NPAS3: variants seen among roughly 807,000 people sequenced by gnomAD.
The protein encoded by NPAS3 is neuronal PAS domain protein 3, also known as neuronal PAS domain-containing protein 3.
NPAS3 carries 14 observed loss-of-function variants against 73.1 expected under a neutral mutation model. The ratio of observed to expected loss-of-function variants is 0.19; its 90% CI spans 0.13 to 0.30. The LOEUF (loss-of-function observed/expected upper bound fraction) is 0.30, where lower values mean the gene tolerates loss of function less well. Among genes scored for constraint, NPAS3 ranks in the 10% least tolerant of loss-of-function variants. NPAS3 has a pLI of 1.00. For missense variants in NPAS3, 1,096 were observed against 1,250.0 expected (o/e 0.88, Z 1.86); for synonymous variants, 620 against 541.5 (o/e 1.14, Z -2.01).
chr14:33,157,475 C>A (rs552560869), intron 2 of NPAS3, among the ~76,000 whole-genome samples: 7 of 152,050 alleles, frequency 4.6e-5, no homozygotes, highest in African/African-American at 1.7e-4. Flanking sequence ...ACAGGCAGGG[C>A]CAGCCAATAT....
chr14:33,037,482 A>C (rs1479146853), intron 1 of NPAS3, among the ~76,000 whole-genome samples: 1 of 113,900 alleles, frequency 8.8e-6, no homozygotes, highest in Non-Finnish European at 1.7e-5. Flanking sequence ...CCATCTCAGC[A>C]AAAAAAAAAA....
chr14:33,456,707 T>C (rs2050038694), intron 4 of NPAS3, among the ~76,000 whole-genome samples: 1 of 152,110 alleles, frequency 6.6e-6, no homozygotes, highest in African/African-American at 2.4e-5. Context: ...AATTAGAAAT[T>C]ATAGCGGTGC....
intron 7 of NPAS3, among the ~76,000 whole-genome samples, chr14:33,767,597 G>A (rs1049835560): frequency 2.3e-4 from 18 of 77,384 alleles, no homozygotes; most frequent in African/African-American, 1.0e-3. Flanking sequence ...AGGGACTCTT[G>A]TCTTTTTTTT....
At chr14:33,544,825 A>ATATATATATATATATAAT in intron 4 of NPAS3, among the ~76,000 whole-genome samples, 5 of 112,188 alleles carry the variant, frequency 4.5e-5, no homozygotes, top group Admixed American at 1.8e-4. Context: ...TATATAATAT[A>ATATATATATATATATAAT]TATGTGTATA....
At chr14:33,217,135 C>A (rs1370706792) in intron 3 of NPAS3, among the ~76,000 whole-genome samples, 1 of 152,010 alleles carries the variant, frequency 6.6e-6, no homozygotes, top group Non-Finnish European at 1.5e-5. Flanking sequence ...AAAGAGACAG[C>A]AAAAGGGGAA....
intron 4 of NPAS3, among the ~76,000 whole-genome samples, chr14:33,403,437 T>C (rs1053266980): frequency 2.6e-5 from 4 of 152,116 alleles, no homozygotes; most frequent in African/African-American, 9.7e-5. Context: ...ATAAAATGTT[T>C]AGTGAGTGTA....
intron 3 of NPAS3, among the ~76,000 whole-genome samples, chr14:33,259,315 T>C (rs192094732): frequency 6.6e-6 from 1 of 152,158 alleles, no homozygotes; most frequent in Non-Finnish European, 1.5e-5. Flanking sequence ...TGTAGAAGAC[T>C]ACAACAAAAA....
chr14:33,552,616 T>G (rs750813611), intron 4 of NPAS3, among the ~76,000 whole-genome samples: 1 of 151,502 alleles, frequency 6.6e-6, no homozygotes, highest in Non-Finnish European at 1.5e-5. Context: ...TTTCCAGTAG[T>G]CTATATTCGA....
At chr14:33,207,778 G>C (rs552017003) in intron 2 of NPAS3, among the ~76,000 whole-genome samples, 1 of 152,278 alleles carries the variant, frequency 6.6e-6, no homozygotes, top group African/African-American at 2.4e-5. Context: ...GCAGCTCAGA[G>C]CAGAGCCACA....
intron 4 of NPAS3, among the ~76,000 whole-genome samples, chr14:33,419,887 G>A (rs1329503005): frequency 6.6e-6 from 1 of 151,942 alleles, no homozygotes; most frequent in East Asian, 1.9e-4. Flanking sequence ...TACCCAAGTG[G>A]AGCCCGTTCA....
intron 4 of NPAS3, among the ~76,000 whole-genome samples, chr14:33,548,788 T>G (rs1405792712): frequency 6.6e-6 from 1 of 152,172 alleles, no homozygotes; most frequent in Non-Finnish European, 1.5e-5. Flanking sequence ...AATGACAAGG[T>G]CTGCCCTTTG....
chr14:33,234,389 T>A (rs1410628623), intron 3 of NPAS3, among the ~76,000 whole-genome samples: 1 of 152,168 alleles, frequency 6.6e-6, no homozygotes, highest in Non-Finnish European at 1.5e-5. Context: ...AAAATTATTG[T>A]ACTAAGATTT....
intron 3 of NPAS3, among the ~76,000 whole-genome samples, chr14:33,260,352 CTT>C (rs200342123): frequency 6.9e-6 from 1 of 145,838 alleles, no homozygotes; most frequent in African/African-American, 2.5e-5. Flanking sequence ...TTTTCCTTTC[CTT>C]TTTTTTTTTA....
At chr14:33,689,450 G>C (rs1211897980) in intron 6 of NPAS3, among the ~76,000 whole-genome samples, 1 of 152,128 alleles carries the variant, frequency 6.6e-6, no homozygotes, top group East Asian at 1.9e-4. Context: ...TAATGGAAAG[G>C]GTGGCCAGGG....
chr14:32,973,532 GA>G (rs1709685704), intron 1 of NPAS3, among the ~76,000 whole-genome samples: 2 of 118,402 alleles, frequency 1.7e-5, no homozygotes, highest in Admixed American at 8.0e-5. Context: ...AGTATATTTT[GA>G]TTTTTTTTTT....
intron 2 of NPAS3, among the ~76,000 whole-genome samples, chr14:33,184,221 C>T (rs2045904466): frequency 1.3e-5 from 2 of 152,090 alleles, no homozygotes; most frequent in Admixed American, 1.3e-4. Context: ...ATGCAGACTC[C>T]AGAGAAAGCG....
At chr14:33,420,966 A>G (rs925557230) in intron 4 of NPAS3, among the ~76,000 whole-genome samples, 8 of 151,964 alleles carry the variant, frequency 5.3e-5, no homozygotes, top group Admixed American at 5.3e-4. Context: ...CAAGCCAGGC[A>G]AGAGGAGCTC....
At chr14:33,684,205 C>G (rs764647595) in intron 6 of NPAS3, among the ~76,000 whole-genome samples, 1 of 143,286 alleles carries the variant, frequency 7.0e-6, no homozygotes, top group African/African-American at 2.6e-5. Flanking sequence ...TCCTCTTATG[C>G]ACGTATTTCA....
chr14:33,693,267 A>G (rs1261261858), intron 6 of NPAS3, among the ~76,000 whole-genome samples: 2 of 152,176 alleles, frequency 1.3e-5, no homozygotes, highest in Non-Finnish European at 2.9e-5. Flanking sequence ...GAATTTTTAC[A>G]TGGAAATAAT....
Sources: gnomAD v4.1 joint callset for allele counts (sites outside exome capture counted in the v4.1 genomes callset) on GRCh38, gnomAD v4.1.1 for gene constraint, MANE v1.5 for transcripts, NCBI Gene and HGNC (gene_info 2026-07-23, HGNC 2026-07-21) for gene names.